HNRNPF: variants seen among roughly 807,000 people sequenced by gnomAD.
HNRNPF encodes HnRNP F protein.
Under a neutral mutation model 26.0 loss-of-function variants are expected in HNRNPF, and 2 were observed. That is an observed-to-expected ratio of 0.08 (90% CI 0.03 to 0.24). The LOEUF (loss-of-function observed/expected upper bound fraction) is 0.24. HNRNPF is among the 10% of genes least tolerant of loss of function. The pLI is 1.00. For missense variants in HNRNPF, 299 were observed against 539.2 expected (o/e 0.55, Z 4.41); for synonymous variants, 234 against 211.5 (o/e 1.11, Z -0.92).
chr10:43,397,850 CCA>C (rs920795460), intron 1 of HNRNPF, among the ~76,000 whole-genome samples: 48 of 152,200 alleles, frequency 3.2e-4, no homozygotes, highest in African/African-American at 9.9e-4. Context: ...CTTTTTAGAG[CCA>C]CAAATATTTG....
chr10:43,390,177 T>TC (rs1402420991), intron 3 of HNRNPF, among the ~76,000 whole-genome samples: 1 of 152,184 alleles, frequency 6.6e-6, no homozygotes, highest in Non-Finnish European at 1.5e-5. Flanking sequence ...CAGAAGCTCC[T>TC]CCTTGGAGAG....
chr10:43,387,655 C>G lies in HNRNPF; in HGVS notation c.230G>C (p.Ser77Thr), dbSNP rs1421655398. ...CACCTCAATGTACCGGTGTCCCATG[C>G]TTTCCCTGTCTTTTTTCAGGGCCAT... Reference protein sequence around the residue: ...VKMALKKDRESMGHRYIEVFK... With the variant: ...VKMALKKDRETMGHRYIEVFK... The change falls in exon 4 of 4, where the codon AGC (serine) becomes ACC (threonine). Residue 77 changes from serine (S) to threonine (T), a missense_variant. Ser to Thr is a moderately conservative substitution (Grantham distance 58). Around this residue, in one of 6 missense-constraint regions of HNRNPF, gnomAD observed 104 missense variants for 239.0 expected, o/e 0.44. Transcript: ENST00000682386. This position sits in a 1 kb window ranked among gnomAD's most constrained non-coding sequence, Gnocchi z 6.0. 6.2e-7 allele frequency: 1 copy of G among 1,614,174 alleles called. No individual in the cohort carries two copies.
chr10:43,404,105 T>C (rs1838836304), intron 1 of HNRNPF, among the ~76,000 whole-genome samples: 1 of 151,824 alleles, frequency 6.6e-6, no homozygotes, highest in Admixed American at 6.6e-5. Context: ...GAGACCAGCC[T>C]GGCCAACATG....
chr10:43,389,478 C>T (rs1392824212), intron 3 of HNRNPF, among the ~76,000 whole-genome samples: 4 of 152,156 alleles, frequency 2.6e-5, no homozygotes, highest in African/African-American at 9.7e-5. Context: ...ACTGCACTAG[C>T]TTCAGGGAAA....
chr10:43,404,235 A>AG (rs1283104482), intron 1 of HNRNPF, among the ~76,000 whole-genome samples: 1 of 148,056 alleles, frequency 6.8e-6, no homozygotes, highest in Non-Finnish European at 1.5e-5. Flanking sequence ...CAGGAGGCGG[A>AG]GGCTGCAGTG....
chr10:43,391,570 G>A (rs1838249609), intron 3 of HNRNPF, among the ~76,000 whole-genome samples: 1 of 151,908 alleles, frequency 6.6e-6, no homozygotes, highest in African/African-American at 2.4e-5. Flanking sequence ...CTTGTCCAAA[G>A]CCCTTCAGAT....
At chr10:43,395,513 T>C (rs1838453239) in intron 2 of HNRNPF, among the ~76,000 whole-genome samples, 1 of 152,224 alleles carries the variant, frequency 6.6e-6, no homozygotes, top group Non-Finnish European at 1.5e-5. Context: ...GCTGAACCTG[T>C]TGTCTTAACA....
intron 1 of HNRNPF, among the ~76,000 whole-genome samples, chr10:43,398,698 C>T (rs1045692854): frequency 3.3e-5 from 5 of 151,970 alleles, no homozygotes; most frequent in African/African-American, 1.2e-4. Context: ...CTCAGCTGCC[C>T]AGGCTGGAAT....
At chr10:43,407,259 A>AGCCGCCAGCGCGCGCCTCGCGTCCC (rs1236204480) in intron 1 of HNRNPF, among the ~76,000 whole-genome samples, 1 of 151,330 alleles carries the variant, frequency 6.6e-6, no homozygotes, top group Non-Finnish European at 1.5e-5. Context: ...CTTCGCGCGC[A>AGCCGCCAGCGCGCGCCTCGCGTCCC]GCCGCCAGCG....
chr10:43,387,982 T>C lies in HNRNPF; in HGVS notation c.-52-46A>G. 9.7e-7 allele frequency: 1 copy of C among 1,030,022 alleles called. No individual in the cohort carries two copies. The highest frequency in any genetic ancestry group is 1.6e-5 in the African/African-American group (1 of 60,832). 63.8% of individuals were successfully genotyped at this position (1,030,022 alleles called of 1,614,324 possible). On this transcript the variant is annotated intron_variant, in intron 3 of 3. Transcript: ENST00000682386. This position sits in a 1 kb window ranked among gnomAD's most constrained non-coding sequence, Gnocchi z 6.0. ...AATTTATTTAGTATGCAACAGAAAT[T>C]TTCCCCATTTTACAGACGAGAGAGG... is the stretch of plus-strand genomic sequence containing the variant.
intron 2 of HNRNPF, among the ~76,000 whole-genome samples, chr10:43,395,788 C>CCTGAGGCGTCT (rs1334597606): frequency 6.6e-6 from 1 of 152,160 alleles, no homozygotes; most frequent in Non-Finnish European, 1.5e-5. Flanking sequence ...AGACCAACAC[C>CCTGAGGCGTCT]CTGAGGCGTC....
chr10:43,405,421 C>T (rs1838881806), intron 1 of HNRNPF, among the ~76,000 whole-genome samples: 1 of 152,164 alleles, frequency 6.6e-6, no homozygotes, highest in South Asian at 2.1e-4. Flanking sequence ...CTTTGGGAGG[C>T]CGAGGCCGGC....
intron 3 of HNRNPF, 30 bp downstream of exon 3, chr10:43,394,600 T>C (rs1838387556): frequency 6.6e-6 from 1 of 152,164 alleles, no homozygotes; most frequent in Non-Finnish European, 1.5e-5. Context: ...ATACTGCAGC[T>C]GAAAAGGGGC....
chr10:43,395,767 G>C (rs1487024970), intron 2 of HNRNPF, among the ~76,000 whole-genome samples: 1 of 152,164 alleles, frequency 6.6e-6, no homozygotes, highest in East Asian at 1.9e-4. Context: ...GTTTATCCCT[G>C]CGTGATCCAC....
intron 1 of HNRNPF, among the ~76,000 whole-genome samples, chr10:43,407,311 C>G (rs1371315119): frequency 2.0e-5 from 3 of 151,896 alleles, no homozygotes; most frequent in African/African-American, 7.2e-5. Flanking sequence ...GCCCGAGCCC[C>G]CAGCGCCCGC....
intron 2 of HNRNPF, among the ~76,000 whole-genome samples, 182 bp downstream of exon 2, chr10:43,396,274 C>A (rs1016968371): frequency 1.3e-5 from 2 of 152,216 alleles, no homozygotes; most frequent in African/African-American, 2.4e-5. Flanking sequence ...CAGGACAGGA[C>A]TCGAGGAAGG....
At chr10:43,407,048 A>C (rs1838942647) in intron 1 of HNRNPF, among the ~76,000 whole-genome samples, 1 of 152,170 alleles carries the variant, frequency 6.6e-6, no homozygotes, top group South Asian at 2.1e-4. Context: ...TTCAGAGACA[A>C]CCACGTATTT....
intron 1 of HNRNPF, among the ~76,000 whole-genome samples, chr10:43,397,023 G>GGA (rs1838565526): frequency 6.6e-6 from 1 of 151,880 alleles, no homozygotes; most frequent in Non-Finnish European, 1.5e-5. Flanking sequence ...TGCCTAGGCG[G>GGA]GAGCTCGGGG....
At chr10:43,390,485 C>T (rs1037517118) in intron 3 of HNRNPF, among the ~76,000 whole-genome samples, 28 of 152,162 alleles carry the variant, frequency 1.8e-4, no homozygotes, top group Admixed American at 9.8e-4. Flanking sequence ...CCATTCCCTG[C>T]AGGAAACCCC....
Sources: allele counts gnomAD v4.1 joint callset (sites outside exome capture counted in the v4.1 genomes callset), GRCh38; gene constraint gnomAD v4.1.1; regional missense constraint gnomAD v4.1.1; non-coding constraint Gnocchi (gnomAD v3.1); transcripts MANE v1.5; gene names NCBI Gene and HGNC (gene_info 2026-07-23, HGNC 2026-07-21).